PCBP3: variants seen among roughly 807,000 people sequenced by gnomAD.
PCBP3 encodes poly(rC)-binding protein 3.
Under a neutral mutation model 52.7 loss-of-function variants are expected in PCBP3, and 25 were observed. That is an observed-to-expected ratio of 0.47 (90% CI 0.35 to 0.66). The LOEUF is 0.66. Among genes scored for constraint, PCBP3 ranks in the 30% least tolerant of loss-of-function variants. PCBP3 has a pLI of 0.01. For synonymous variants in PCBP3, 162 were observed against 183.0 expected, an observed-to-expected ratio of 0.89 and a Z score of 0.93; for missense variants, 391 against 490.3, an observed-to-expected ratio of 0.80 and a Z score of 1.91.
chr21:45,910,266 C>T (rs578015613), intron 10 of PCBP3, among the ~76,000 whole-genome samples: 1 of 138,418 alleles, frequency 7.2e-6, no homozygotes, highest in South Asian at 2.4e-4. Context: ...CCTATGGATC[C>T]TGCCCACCCA....
intron 4 of PCBP3, among the ~76,000 whole-genome samples, chr21:45,813,908 T>C (rs2092753186): frequency 6.6e-6 from 1 of 152,266 alleles, no homozygotes; most frequent in Admixed American, 6.5e-5. Context: ...GTTTGTATGA[T>C]GTTCATTGGA....
intron 1 of PCBP3, among the ~76,000 whole-genome samples, chr21:45,658,003 GCTT>G (rs2146987043): frequency 6.6e-6 from 1 of 152,294 alleles, no homozygotes; most frequent in South Asian, 2.1e-4. Flanking sequence ...TAGGGGGAAA[GCTT>G]TTAGCCTCTC....
chr21:45,935,111 C>G (rs995593559), intron 15 of PCBP3, 142 bp from the exon 16 acceptor site: 5 of 613,436 alleles, frequency 8.2e-6, no homozygotes, highest in Admixed American at 5.8e-5. Context: ...AGGGTCCTGG[C>G]CCTCTGGGCT....
chr21:45,730,670 T>A (rs1161571959), intron 2 of PCBP3, among the ~76,000 whole-genome samples: 1 of 152,170 alleles, frequency 6.6e-6, no homozygotes, highest in Non-Finnish European at 1.5e-5. Context: ...GATTTATCTA[T>A]TTGGTGGGGG....
At chr21:45,842,773 G>T (rs566072148) in intron 4 of PCBP3, among the ~76,000 whole-genome samples, 24 of 152,328 alleles carry the variant, frequency 1.6e-4, no homozygotes, top group African/African-American at 5.8e-4. Flanking sequence ...GACACCACCG[G>T]TGGGGAGAAG....
intron 2 of PCBP3, among the ~76,000 whole-genome samples, chr21:45,695,940 G>A (rs1439314183): frequency 5.3e-5 from 8 of 151,816 alleles, no homozygotes; most frequent in African/African-American, 1.7e-4. Context: ...TTAGCCTGAC[G>A]TGGTGGCACA....
chr21:45,823,711 G>A (rs2093218018), intron 4 of PCBP3, among the ~76,000 whole-genome samples: 1 of 142,974 alleles, frequency 7.0e-6, no homozygotes, highest in African/African-American at 2.6e-5. Flanking sequence ...AGGACCCCAG[G>A]CAAAGTAGGT....
In PCBP3 at chr21:45,928,084, GC is replaced by G. The variant is rs1381010190; in HGVS notation, c.718-1829del. The stretch of plus-strand genomic sequence containing the variant: ...GGACACTTGCGGTCTTTCCTGACGT[GC>G]CCCGTCCAGGTGGGGCGCCTTCACT... On this transcript the variant is annotated intron_variant, in intron 13 of 17. Coordinates refer to ENST00000681687, the MANE Select transcript of PCBP3 (RefSeq NM_001384156.1). The surrounding 1 kb of genome is among the most constrained non-coding windows in gnomAD (Gnocchi z 4.1). 1.3e-5 allele frequency among the ~76,000 whole-genome samples: 2 copies of G among 152,230 alleles called. No individual in the cohort carries two copies. The highest frequency in any genetic ancestry group is 2.9e-5 in the Non-Finnish European group (2 of 68,024).
At chr21:45,650,386 A>G (rs188425244) in intron 1 of PCBP3, among the ~76,000 whole-genome samples, 6 of 152,242 alleles carry the variant, frequency 3.9e-5, no homozygotes, top group African/African-American at 7.2e-5. Context: ...ACCAGTGATA[A>G]TCTTTTCTTG....
intron 16 of PCBP3, among the ~76,000 whole-genome samples, chr21:45,937,926 C>T (rs2077052337): frequency 2.0e-5 from 3 of 152,266 alleles, no homozygotes; most frequent in Admixed American, 6.5e-5. Context: ...AATGATGTCC[C>T]ATCAGCATTC....
chr21:45,930,002 A>G lies in PCBP3; in HGVS notation c.796+7A>G. 1 of 1,606,714 alleles carries G rather than the reference A, an allele frequency of 6.2e-7. No homozygotes were observed. The highest frequency in any genetic ancestry group is 8.5e-7 in the Non-Finnish European group (1 of 1,173,734). On this transcript the variant is annotated splice_region_variant and intron_variant, in intron 14 of 17. Transcript: ENST00000681687. The stretch of plus-strand genomic sequence containing the variant: ...ACCAACCCCGCTTTCCCCGGTACGT[A>G]CCCAGCCCTTTTCTCACCTCCTTCT...
intron 2 of PCBP3, among the ~76,000 whole-genome samples, chr21:45,699,466 A>G (rs2082978181): frequency 6.6e-6 from 1 of 152,186 alleles, no homozygotes; most frequent in South Asian, 2.1e-4. Context: ...CCTCAGTGCC[A>G]TCCAATTTAG....
intron 1 of PCBP3, among the ~76,000 whole-genome samples, chr21:45,652,876 CT>C (rs1459340493): frequency 3.3e-5 from 5 of 151,958 alleles, no homozygotes; most frequent in African/African-American, 9.7e-5. Flanking sequence ...GCAGCTTTTC[CT>C]TTTTTTCTAA....
chr21:45,690,463 GAA>G (rs1174336869), intron 2 of PCBP3, among the ~76,000 whole-genome samples: 1 of 151,940 alleles, frequency 6.6e-6, no homozygotes, highest in East Asian at 1.9e-4. Flanking sequence ...ATCAACAAAA[GAA>G]AAACTAATTT....
intron 5 of PCBP3, 61 bp from the exon 6 acceptor site, chr21:45,896,147 C>T: frequency 6.7e-7 from 1 of 1,498,292 alleles, no homozygotes; most frequent in East Asian, 2.5e-5. Flanking sequence ...CCCAGGACAC[C>T]CCTGGATGTG....
intron 2 of PCBP3, among the ~76,000 whole-genome samples, chr21:45,726,652 T>C (rs1288875400): frequency 6.6e-6 from 1 of 152,192 alleles, no homozygotes; most frequent in Non-Finnish European, 1.5e-5. Flanking sequence ...TGTTTGTGTC[T>C]CCCGCCTGAG....
chr21:45,846,762 T>G (rs2093822658), intron 4 of PCBP3, among the ~76,000 whole-genome samples: 3 of 152,370 alleles, frequency 2.0e-5, no homozygotes, highest in Admixed American at 2.0e-4. Flanking sequence ...TTGGTCTTGC[T>G]TCCTGCTTTG....
rs773481010 is a variant in PCBP3, at chr21:45,853,716, T to C, written c.10+3621T>C. 4.6e-5 allele frequency among the ~76,000 whole-genome samples: 7 copies of C among 152,094 alleles called. No homozygotes were observed. Among genetic ancestry groups the C allele is most frequent in the Non-Finnish European group, 7.3e-5 (5 of 68,030 alleles). On this transcript the variant is annotated intron_variant, in intron 5 of 17. Coordinates refer to ENST00000681687, the MANE Select transcript of PCBP3 (RefSeq NM_001384156.1). This position sits in a 1 kb window ranked among gnomAD's most constrained non-coding sequence, Gnocchi z 4.6. ...GGGTTAAAAAGCTAAGAAACATGAG[T>C]GGTGTTAAACCATTCTGCCTGTGTG... is the stretch of plus-strand genomic sequence containing the variant.
chr21:45,671,206 G>A (rs868299929), intron 2 of PCBP3, among the ~76,000 whole-genome samples: 17 of 152,194 alleles, frequency 1.1e-4, no homozygotes, highest in Non-Finnish European at 2.5e-4. Context: ...TGAACAGTTA[G>A]TTATCTGCCT....
Sources: allele counts gnomAD v4.1 joint callset (sites outside exome capture counted in the v4.1 genomes callset), GRCh38; gene constraint gnomAD v4.1.1; non-coding constraint Gnocchi (gnomAD v3.1); transcripts MANE v1.5; gene names NCBI Gene and HGNC (gene_info 2026-07-23, HGNC 2026-07-21).